The following LIMD1 variants were observed in gnomAD, a reference collection of about 807,000 sequenced individuals.
LIMD1 encodes the protein LIM domain containing 1, also known as LIM domain-containing protein 1.
In LIMD1, 23 loss-of-function variants were observed where a neutral mutation model predicts 58.4. The ratio of observed to expected loss-of-function variants is 0.39; its 90% CI spans 0.28 to 0.56. LIMD1 has a LOEUF of 0.56. LIMD1 is among the 20% of genes least tolerant of loss of function. The pLI, the probability that LIMD1 is intolerant of heterozygous loss-of-function variation, is 0.57. For missense variants in LIMD1, 838 were observed against 855.5 expected (o/e 0.98, Z 0.25); for synonymous variants, 334 against 345.5 (o/e 0.97, Z 0.37).
intron 3 of LIMD1, among the ~76,000 whole-genome samples, chr3:45,666,917 T>C (rs1290351004): frequency 6.6e-6 from 1 of 152,190 alleles, no homozygotes; most frequent in East Asian, 1.9e-4. Flanking sequence ...AAAAGCTCTA[T>C]TTGGTTTTCA....
Position 45,617,856 on chromosome 3 carries a change from A to C in LIMD1, c.1409-18294A>C, listed in dbSNP as rs1701589739. Among the ~76,000 whole-genome samples the C allele has an allele frequency of 2.0e-5, 3 of 152,196 alleles. No homozygotes were observed. In the South Asian group the frequency reaches 6.2e-4, roughly 32 times the overall value. ...TGGAGAGAATACAAAACCTCCCCTC[A>C]GCTTTAATAGGCTCTACCAACAGTT... On this transcript the variant is annotated intron_variant, in intron 1 of 7. Coordinates refer to ENST00000273317, the MANE Select transcript of LIMD1 (RefSeq NM_014240.3).
intron 1 of LIMD1, among the ~76,000 whole-genome samples, chr3:45,604,341 C>T (rs540915007): frequency 1.3e-5 from 2 of 152,326 alleles, no homozygotes; most frequent in Non-Finnish European, 2.9e-5. Flanking sequence ...GCCTCAGCCC[C>T]GTCCCTGCAT....
Position 45,594,789 on chromosome 3 carries a change from A to ACACACACACACACACACACACACAC in LIMD1, c.-90_-66dup. ...TCCCCGCTGCCCTCAACACACACAC[A>ACACACACACACACACACACACACAC]CACACACACACACACACACACACAC... On this transcript the variant is annotated 5_prime_UTR_variant, in exon 1 of 8. Transcript: ENST00000273317. 3 of 75,784 alleles carry ACACACACACACACACACACACACAC rather than the reference A, an allele frequency of 4.0e-5. No homozygotes were observed. The highest frequency in any genetic ancestry group is 1.2e-3 in the East Asian group (2 of 1,620). The allele number at this position is 75,784 out of a possible 1,614,324, so 4.7% of individuals were successfully genotyped here.
At chr3:45,659,412 C>T (rs966667730) in intron 2 of LIMD1, among the ~76,000 whole-genome samples, 2 of 152,096 alleles carry the variant, frequency 1.3e-5, no homozygotes, top group Non-Finnish European at 2.9e-5. Context: ...CATGGCGAAA[C>T]ACTGTCTCTA....
Position 45,672,791 on chromosome 3 carries a change from C to A in LIMD1, c.1743C>A (p.Asn581Lys), listed in dbSNP as rs1425357268. 1.9e-6 allele frequency: 3 copies of A among 1,613,988 alleles called. No individual in the cohort carries two copies. The highest frequency in any genetic ancestry group is 8.5e-7 in the Non-Finnish European group (1 of 1,179,936). Reference protein sequence around the residue: ...DGVPFTVDSENKIYCVRDYHK... With the variant: ...DGVPFTVDSEKKIYCVRDYHK... Reference sequence around the variant, plus strand: ...TGCCCTTCACCGTGGACTCAGAGAACAAGATCTACTGTGTCCGAGATTACC... The same window carrying A: ...TGCCCTTCACCGTGGACTCAGAGAAAAAGATCTACTGTGTCCGAGATTACC... Residue 581 changes from asparagine (N) to lysine (K), a missense_variant, in exon 5 of 8, where the codon AAC becomes AAA. This residue lies in a region of LIMD1 where 174 missense variants were observed against 197.4 expected (regional missense o/e 0.88). Transcript: ENST00000273317.
chr3:45,602,571 G>A (rs901067657), intron 1 of LIMD1, among the ~76,000 whole-genome samples: 2 of 152,154 alleles, frequency 1.3e-5, no homozygotes, highest in Non-Finnish European at 2.9e-5. Flanking sequence ...CCCTTAGCCT[G>A]GGATCCTGAA....
At position 45,594,827 on chromosome 3, in the gene LIMD1, A is replaced by ACCTGGGCTCGC; in HGVS notation, c.-52_-51insCTGGGCTCGCC. The ACCTGGGCTCGC allele has an allele frequency of 1.2e-6, 1 of 827,230 alleles. No homozygotes were observed. Among genetic ancestry groups the ACCTGGGCTCGC allele is most frequent in the African/African-American group, 2.2e-5 (1 of 46,122 alleles). 51.2% of individuals were successfully genotyped at this position (827,230 alleles called of 1,614,324 possible). A position where few individuals can be genotyped will look rare whatever the true frequency, so the allele number is the denominator to read the frequency against. On this transcript the variant is annotated 5_prime_UTR_variant, in exon 1 of 8. Transcript: ENST00000273317. ...CACACACACACACACACACACACAC[A>ACCTGGGCTCGC]CACACACACACACACACGGCACCTG...
At chr3:45,647,750 C>T (rs540665993) in intron 2 of LIMD1, among the ~76,000 whole-genome samples, 20 of 152,308 alleles carry the variant, frequency 1.3e-4, no homozygotes, top group Middle Eastern at 3.4e-3. Context: ...AGTTCTTTTG[C>T]CTGGTGTTTA....
chr3:45,618,111 T>C (rs1243359895), intron 1 of LIMD1, among the ~76,000 whole-genome samples: 1 of 152,156 alleles, frequency 6.6e-6, no homozygotes, highest in Non-Finnish European at 1.5e-5. Context: ...ACTCCAGTCA[T>C]CTCTGCCCCA....
At chr3:45,638,937 T>G (rs1189768855) in intron 2 of LIMD1, among the ~76,000 whole-genome samples, 1 of 152,192 alleles carries the variant, frequency 6.6e-6, no homozygotes, top group African/African-American at 2.4e-5. Flanking sequence ...AGTGCCATGA[T>G]GTAATTGTAG....
At chr3:45,602,621 C>T (rs1386143172) in intron 1 of LIMD1, among the ~76,000 whole-genome samples, 2 of 152,126 alleles carry the variant, frequency 1.3e-5, no homozygotes, top group African/African-American at 2.4e-5. Flanking sequence ...CTGCCCTGAC[C>T]GGGGCCAGGG....
chr3:45,669,761 T>G (rs1340514056), intron 4 of LIMD1, among the ~76,000 whole-genome samples: 1 of 152,240 alleles, frequency 6.6e-6, no homozygotes, highest in Non-Finnish European at 1.5e-5. Context: ...TTGATTTGTA[T>G]TGCTAAGTGG....
chr3:45,630,823 C>G (rs1199039374), intron 1 of LIMD1, among the ~76,000 whole-genome samples: 1 of 152,132 alleles, frequency 6.6e-6, no homozygotes, highest in East Asian at 1.9e-4. Context: ...TCAAACCTAC[C>G]CACTGTGCAG....
At chr3:45,655,536 A>G (rs1702019543) in intron 2 of LIMD1, among the ~76,000 whole-genome samples, 1 of 152,324 alleles carries the variant, frequency 6.6e-6, no homozygotes, top group South Asian at 2.1e-4. Flanking sequence ...AGCCTGAGGC[A>G]TAGTCTGACT....
At chr3:45,669,834 G>A (rs1697566477) in intron 4 of LIMD1, among the ~76,000 whole-genome samples, 1 of 152,170 alleles carries the variant, frequency 6.6e-6, no homozygotes, top group Admixed American at 6.5e-5. Flanking sequence ...GGATTTGGTG[G>A]TTTCTAGTTT....
At position 45,679,268 on chromosome 3, in the gene LIMD1, CAAA is replaced by C. The variant is rs1471134212; in HGVS notation, c.*2212_*2214del. The C allele has an allele frequency of 6.6e-6, 1 of 152,042 alleles. No homozygotes were observed. Among genetic ancestry groups the C allele is most frequent in the African/African-American group, 2.4e-5 (1 of 41,410 alleles). The allele number at this position is 152,042 out of a possible 1,614,324, so 9.4% of individuals were successfully genotyped here. A position where few individuals can be genotyped will look rare whatever the true frequency, so the allele number is the denominator to read the frequency against. On this transcript the variant is annotated 3_prime_UTR_variant, in exon 8 of 8. Coordinates refer to ENST00000273317, the MANE Select transcript of LIMD1 (RefSeq NM_014240.3). ...ACCATTTTATATTGTTGAGAAAGAA[CAAA>C]AAGGGAATTTCCAGATGTCCTAGAA... is the stretch of plus-strand genomic sequence containing the variant.
intron 2 of LIMD1, among the ~76,000 whole-genome samples, chr3:45,641,151 G>A (rs1701838251): frequency 2.0e-5 from 3 of 152,140 alleles, no homozygotes; most frequent in Admixed American, 1.3e-4. Flanking sequence ...TGCATCTAGG[G>A]CATCCCCTCC....
chr3:45,622,923 C>T (rs549726183), intron 1 of LIMD1, among the ~76,000 whole-genome samples: 212 of 152,294 alleles, frequency 1.4e-3, no homozygotes, highest in Admixed American at 3.3e-3. Flanking sequence ...CCGCCTTGGC[C>T]TCCCAAAGTG....
Position 45,596,204 on chromosome 3 carries a change from C to G in LIMD1, c.1325C>G (p.Pro442Arg). Residue 442 changes from proline to arginine, a missense_variant, in exon 1 of 8, where the codon CCC (proline) becomes CGC (arginine). Around this residue, in one of 3 missense-constraint regions of LIMD1, gnomAD observed 659 missense variants for 639.8 expected, o/e 1.03. Coordinates refer to ENST00000273317, the MANE Select transcript of LIMD1 (RefSeq NM_014240.3). ...CTCGTCCCAGGTCCTGAGCTGAGAC[C>G]CTCTGCTGCTGAGTTGAAATTAGAA... ...QPLVPGPELRPSAAELKLEAL... is the reference protein window; with the variant it reads ...QPLVPGPELRRSAAELKLEAL... 1 of 1,613,624 alleles carries G rather than the reference C, an allele frequency of 6.2e-7. No homozygotes were observed. The highest frequency in any genetic ancestry group is 8.5e-7 in the Non-Finnish European group (1 of 1,179,824).
Sources: allele counts gnomAD v4.1 joint callset (sites outside exome capture counted in the v4.1 genomes callset), GRCh38; gene constraint gnomAD v4.1.1; regional missense constraint gnomAD v4.1.1; transcripts MANE v1.5; gene names NCBI Gene and HGNC (gene_info 2026-07-23, HGNC 2026-07-21).